SLIT3: variants seen among roughly 807,000 people sequenced by gnomAD.
The protein encoded by SLIT3 is slit homolog 3 protein.
Under a neutral mutation model 184.0 loss-of-function variants are expected in SLIT3, and 68 were observed. That is an observed-to-expected ratio of 0.37 (90% CI 0.30 to 0.45). SLIT3 has a LOEUF of 0.45. SLIT3 is among the 20% of genes least tolerant of loss of function. SLIT3 has a pLI of 1.00. For synonymous variants in SLIT3, 831 were observed against 828.6 expected (o/e 1.00, Z -0.05); for missense variants, 1,707 against 2,026.0 (o/e 0.84, Z 3.02).
intron 4 of SLIT3, among the ~76,000 whole-genome samples, chr5:169,192,316 C>T (rs1402041088): frequency 1.3e-5 from 2 of 152,102 alleles, no homozygotes; most frequent in Admixed American, 6.5e-5. Context: ...GCAGGTGTGT[C>T]CTAGAGAAGG....
intron 4 of SLIT3, among the ~76,000 whole-genome samples, chr5:169,148,593 C>T (rs749969420): frequency 1.3e-5 from 2 of 152,142 alleles, no homozygotes; most frequent in African/African-American, 2.4e-5. Flanking sequence ...TTAGGAATGG[C>T]CAAGCAGGCA....
At chr5:169,082,973 A>C (rs1347327156) in intron 4 of SLIT3, among the ~76,000 whole-genome samples, 1 of 152,220 alleles carries the variant, frequency 6.6e-6, no homozygotes, top group Admixed American at 6.5e-5. Context: ...TAGAGCTCCA[A>C]AGCAAATAAA....
chr5:169,096,330 CTGTG>C (rs775811366), intron 4 of SLIT3, among the ~76,000 whole-genome samples: 7 of 152,154 alleles, frequency 4.6e-5, no homozygotes, highest in African/African-American at 1.4e-4. Context: ...CCTTGTGTAC[CTGTG>C]TGTGTCTCCA....
intron 1 of SLIT3, among the ~76,000 whole-genome samples, chr5:169,280,142 G>C (rs887728108): frequency 2.6e-5 from 4 of 152,212 alleles, no homozygotes; most frequent in Non-Finnish European, 5.9e-5. Context: ...TCCGCTGGGG[G>C]TCTCCTTGTG....
intron 4 of SLIT3, among the ~76,000 whole-genome samples, chr5:169,066,942 G>GAAAA (rs60977256): frequency 1.9e-4 from 15 of 80,434 alleles, no homozygotes; most frequent in East Asian, 3.5e-4. Flanking sequence ...TCCCTTTCCT[G>GAAAA]AAAAAAAAAA....
intron 4 of SLIT3, among the ~76,000 whole-genome samples, chr5:169,031,164 A>T (rs1361035685): frequency 6.6e-6 from 1 of 152,156 alleles, no homozygotes; most frequent in East Asian, 1.9e-4. Context: ...AAGTTTTTGC[A>T]AGCATTTCAG....
chr5:168,742,348 T>A (rs1763661577), intron 20 of SLIT3, among the ~76,000 whole-genome samples: 2 of 151,142 alleles, frequency 1.3e-5, no homozygotes, highest in Admixed American at 1.3e-4. Context: ...AGCTGGCCTA[T>A]GTAAAAATGA....
chr5:168,963,744 G>C (rs1363998424), intron 4 of SLIT3, among the ~76,000 whole-genome samples: 1 of 152,216 alleles, frequency 6.6e-6, no homozygotes, highest in African/African-American at 2.4e-5. Context: ...GCAAATGCCA[G>C]GTTGGAACTT....
At chr5:168,866,416 A>G (rs555699418) in intron 5 of SLIT3, among the ~76,000 whole-genome samples, 1 of 152,308 alleles carries the variant, frequency 6.6e-6, no homozygotes, top group African/African-American at 2.4e-5. Context: ...ACAACATTCT[A>G]AGGGATTGAC....
intron 16 of SLIT3, among the ~76,000 whole-genome samples, chr5:168,758,255 T>C (rs1755022398): frequency 2.0e-5 from 3 of 152,174 alleles, no homozygotes; most frequent in Non-Finnish European, 1.5e-5. Flanking sequence ...CATACAGAAA[T>C]ATTCTCTACA....
intron 20 of SLIT3, among the ~76,000 whole-genome samples, chr5:168,735,704 AC>A (rs144425132): frequency 1.2e-4 from 17 of 144,358 alleles, no homozygotes; most frequent in African/African-American, 4.2e-4. Flanking sequence ...ACACACACAC[AC>A]ATCTCCATCC....
intron 4 of SLIT3, among the ~76,000 whole-genome samples, chr5:168,979,610 T>G (rs1047240595): frequency 2.0e-5 from 3 of 152,186 alleles, no homozygotes; most frequent in Non-Finnish European, 2.9e-5. Flanking sequence ...AGGGCAGTGT[T>G]TGAACCACTC....
Position 168,844,770 on chromosome 5 carries a change from G to T in SLIT3, c.486-115C>A, listed in dbSNP as rs567031165. The T allele has an allele frequency of 4.1e-5, 34 of 836,746 alleles. No individual in the cohort carries two copies. In the East Asian group the frequency reaches 7.3e-4, roughly 18 times the overall value. 51.8% of individuals were successfully genotyped at this position (836,746 alleles called of 1,614,324 possible). ...CCCCTTGCAGGCGCTGCTGGTCCCC[G>T]CCAGGAGCTCGTGCAGAGCCAGCCT... On this transcript the variant is annotated intron_variant, in intron 5 of 35. Coordinates refer to ENST00000519560, the MANE Select transcript of SLIT3 (RefSeq NM_003062.4).
intron 23 of SLIT3, among the ~76,000 whole-genome samples, chr5:168,718,711 C>CAT (rs1199165513): frequency 1.7e-4 from 26 of 150,322 alleles, no homozygotes; most frequent in Admixed American, 2.6e-4. Flanking sequence ...CACACACACA[C>CAT]ACACACACAC....
chr5:168,882,376 CAGTAGGAGAAGCCA>C (rs1022461829), intron 5 of SLIT3, among the ~76,000 whole-genome samples: 3 of 152,142 alleles, frequency 2.0e-5, no homozygotes, highest in Non-Finnish European at 4.4e-5. Context: ...AATAAGGGGT[CAGTAGGAGAAGCCA>C]GGTAGGAAAT....
chr5:168,814,410 C>T (rs1757262662), intron 8 of SLIT3, among the ~76,000 whole-genome samples: 1 of 114,546 alleles, frequency 8.7e-6, no homozygotes, highest in Non-Finnish European at 2.1e-5. Flanking sequence ...AACAAACAAA[C>T]AAACAAACAA....
chr5:169,256,039 T>C (rs1057111836), intron 1 of SLIT3, among the ~76,000 whole-genome samples: 2 of 152,226 alleles, frequency 1.3e-5, no homozygotes, highest in African/African-American at 4.8e-5. Context: ...TCACTGACTC[T>C]CCTGGAGCAA....
At chr5:169,084,858 G>A (rs72826596) in intron 4 of SLIT3, among the ~76,000 whole-genome samples, 3,623 of 152,168 alleles carry the variant, frequency 0.024, 165 homozygotes, top group Admixed American at 0.12. Context: ...TGGGAGGAAG[G>A]GGCCCCTTTT....
chr5:169,023,347 T>C (rs552598833), intron 4 of SLIT3, among the ~76,000 whole-genome samples: 46 of 152,252 alleles, frequency 3.0e-4, no homozygotes, highest in African/African-American at 9.9e-4. Flanking sequence ...TTTGTCTGTG[T>C]GTAGAAATTT....
Sources: gnomAD v4.1 joint callset for allele counts (sites outside exome capture counted in the v4.1 genomes callset) on GRCh38, gnomAD v4.1.1 for gene constraint, MANE v1.5 for transcripts, NCBI Gene and HGNC (gene_info 2026-07-23, HGNC 2026-07-21) for gene names.